Variants in HORMAD2 observed in about 807,000 individuals in gnomAD.
The protein encoded by HORMAD2 is HORMA domain containing 2.
Under a neutral mutation model 38.8 loss-of-function variants are expected in HORMAD2, and 45 were observed. The observed-to-expected ratio is 1.16, with a 90% CI of 0.91 to 1.49. HORMAD2 has a LOEUF of 1.49. Among genes scored for constraint, HORMAD2 ranks in the 40% most tolerant of loss-of-function variants. The probability of loss-of-function intolerance (pLI) is 0.00; values close to 1 mark genes in which losing one functional copy is unlikely to be tolerated. For missense variants in HORMAD2, 338 were observed against 367.0 expected, an observed-to-expected ratio of 0.92 and a Z score of 0.65; for synonymous variants, 126 against 122.8, an observed-to-expected ratio of 1.03 and a Z score of -0.17.
At chr22:30,078,089 C>T (rs1181218255), upstream of HORMAD2, among the ~76,000 whole-genome samples, 2 of 152,154 alleles carry the variant, frequency 1.3e-5, no homozygotes, top group Non-Finnish European at 2.9e-5. Flanking sequence ...CACAAGGAGC[C>T]TGCCAAATGG....
intron 10 of HORMAD2, among the ~76,000 whole-genome samples, chr22:30,164,522 T>G (rs1333568266): frequency 1.3e-5 from 2 of 152,260 alleles, no homozygotes; most frequent in East Asian, 3.8e-4. Context: ...TATATCTTTG[T>G]GGCTTTAATT....
downstream of HORMAD2, among the ~76,000 whole-genome samples, chr22:30,180,952 C>T (rs1926683814): frequency 8.5e-6 from 1 of 118,130 alleles, no homozygotes; most frequent in Non-Finnish European, 1.8e-5. Flanking sequence ...CTCTCCTCTC[C>T]TCTCCTCTCC....
intron 1 of HORMAD2, among the ~76,000 whole-genome samples, chr22:30,082,119 G>C (rs1040476115): frequency 2.0e-5 from 3 of 152,120 alleles, no homozygotes; most frequent in Non-Finnish European, 4.4e-5. Context: ...TCCAGCTTTA[G>C]GAATCTATTG....
At chr22:30,102,347 C>A (rs1920954175) in intron 3 of HORMAD2, among the ~76,000 whole-genome samples, 1 of 152,108 alleles carries the variant, frequency 6.6e-6, no homozygotes. Context: ...GATACCATTC[C>A]CTATAGCTTT....
chr22:30,078,607 CAAAAAAA>C (rs55966787), upstream of HORMAD2, among the ~76,000 whole-genome samples: 37 of 28,104 alleles, frequency 1.3e-3, no homozygotes, highest in East Asian at 5.1e-3. Flanking sequence ...CTCTGTCTCA[CAAAAAAA>C]AAAAAAAAAA....
chr22:30,136,867 C>A (rs1243074482), intron 10 of HORMAD2: 1 of 384,862 alleles, frequency 2.6e-6, no homozygotes, highest in Non-Finnish European at 4.8e-6. Flanking sequence ...GATAGGCAAG[C>A]CTTTTCTATG....
At chr22:30,125,224 T>C (rs1426945638) in intron 10 of HORMAD2, among the ~76,000 whole-genome samples, 6 of 76,792 alleles carry the variant, frequency 7.8e-5, no homozygotes, top group Non-Finnish European at 1.2e-4. Context: ...TTCTTTTTTT[T>C]TTTTTTTTTT....
intron 5 of HORMAD2, among the ~76,000 whole-genome samples, chr22:30,110,794 A>G (rs1213289946): frequency 3.3e-5 from 5 of 152,088 alleles, no homozygotes; most frequent in Non-Finnish European, 7.4e-5. Flanking sequence ...TTATATATGG[A>G]TTATTTTCAA....
At chr22:30,201,241 G>A in the HORMAD2 span, among the ~76,000 whole-genome samples, 2 of 151,988 alleles carry the variant, frequency 1.3e-5, no homozygotes, top group East Asian at 1.9e-4. Context: ...TCTTCACAAA[G>A]GTTTCTTCTC....
At chr22:30,091,085 T>C (rs900790059) in intron 1 of HORMAD2, among the ~76,000 whole-genome samples, 2 of 152,206 alleles carry the variant, frequency 1.3e-5, no homozygotes, top group African/African-American at 4.8e-5. Flanking sequence ...GGTATTTATC[T>C]TTCTGTACTT....
At chr22:30,143,509 C>T (rs996543768) in intron 10 of HORMAD2, among the ~76,000 whole-genome samples, 2 of 152,072 alleles carry the variant, frequency 1.3e-5, no homozygotes, top group East Asian at 1.9e-4. Flanking sequence ...ACCTCACTGG[C>T]CCCCATTGTT....
chr22:30,095,639 T>C lies in HORMAD2; in HGVS notation c.51+1636T>C, dbSNP rs2068768419. 2.6e-5 allele frequency among the ~76,000 whole-genome samples: 4 copies of C among 152,192 alleles called. No individual in the cohort carries two copies. In the South Asian group the frequency reaches 8.3e-4, roughly 32 times the overall value. On this transcript the variant is annotated intron_variant, in intron 2 of 10. Transcript: ENST00000336726. ...TTTTTATATGTTTTGCTCACTACTATGTCTCAGAACCTAAAACAGTACCTA... is the reference window on the plus strand; with the variant it reads ...TTTTTATATGTTTTGCTCACTACTACGTCTCAGAACCTAAAACAGTACCTA...
chr22:30,195,796 A>G, the HORMAD2 span, among the ~76,000 whole-genome samples: 4 of 152,216 alleles, frequency 2.6e-5, no homozygotes, highest in Non-Finnish European at 5.9e-5. Context: ...CAACTAGGCT[A>G]TCATCATCAG....
At chr22:30,179,762 G>A (rs768285903), downstream of HORMAD2, among the ~76,000 whole-genome samples, 59 of 152,204 alleles carry the variant, frequency 3.9e-4, no homozygotes, top group Non-Finnish European at 7.6e-4. Flanking sequence ...AGAGGATGTT[G>A]AGAAAGGGAT....
chr22:30,177,286 A>C (rs1357082111), downstream of HORMAD2, among the ~76,000 whole-genome samples: 2 of 152,204 alleles, frequency 1.3e-5, no homozygotes, highest in Non-Finnish European at 2.9e-5. Flanking sequence ...CACACACACA[A>C]AATGGAGAAC....
chr22:30,130,680 T>C lies in HORMAD2; in HGVS notation c.819+8466T>C, dbSNP rs144567304. 4.8e-3 allele frequency among the ~76,000 whole-genome samples: 697 copies of C among 144,292 alleles called. 8 individuals are homozygous for C. Among genetic ancestry groups the C allele is most frequent in the African/African-American group, 0.017 (660 of 39,610 alleles). The allele number at this position is 144,292 out of a possible 152,430, so 94.7% of individuals were successfully genotyped here. A position where few individuals can be genotyped will look rare whatever the true frequency, so the allele number is the denominator to read the frequency against. ...ATCTCGGCTCACTGCAATCTCTGCC[T>C]CCTGGGATCAAGCCATTCTTCTACC... is the stretch of plus-strand genomic sequence containing the variant. On this transcript the variant is annotated intron_variant, in intron 10 of 10. Coordinates refer to ENST00000336726, the MANE Select transcript of HORMAD2 (RefSeq NM_152510.4).
chr22:30,180,920 CCCTCTCCTCTCCTCTCCTCT>C (rs760542921), downstream of HORMAD2, among the ~76,000 whole-genome samples: 165 of 32,182 alleles, frequency 5.1e-3, 2 homozygotes, highest in South Asian at 0.013. Flanking sequence ...CCTTTCCCTT[CCCTCTCCTCTCCTCTCCTCT>C]CCTCTCCTCT....
At chr22:30,134,784 T>C (rs1569105104) in intron 10 of HORMAD2, among the ~76,000 whole-genome samples, 1 of 152,126 alleles carries the variant, frequency 6.6e-6, no homozygotes, top group Non-Finnish European at 1.5e-5. Flanking sequence ...AGGCCTACTA[T>C]GCTTGAGTCA....
At chr22:30,112,867 T>TA (rs1431519328) in intron 7 of HORMAD2, among the ~76,000 whole-genome samples, 1 of 152,172 alleles carries the variant, frequency 6.6e-6, no homozygotes, top group Non-Finnish European at 1.5e-5. Context: ...CCGAGTCATA[T>TA]AAAACCACAT....
Sources: allele counts gnomAD v4.1 joint callset (sites outside exome capture counted in the v4.1 genomes callset), GRCh38; gene constraint gnomAD v4.1.1; transcripts MANE v1.5; gene names NCBI Gene and HGNC (gene_info 2026-07-23, HGNC 2026-07-21).